The following RNF13 variants were observed in gnomAD, a reference collection of about 807,000 sequenced individuals.
RNF13 encodes the protein ring finger protein 13.
A neutral mutation model predicts 37.7 loss-of-function variants in RNF13; 19 were observed. The observed-to-expected ratio is 0.50, with a 90% confidence interval of 0.35 to 0.74. The LOEUF (loss-of-function observed/expected upper bound fraction) is 0.74, where lower values mean the gene tolerates loss of function less well. RNF13 is among the 30% of genes least tolerant of loss of function. The pLI is 0.01. For missense variants in RNF13, 375 were observed against 453.0 expected, an observed-to-expected ratio of 0.83 and a Z score of 1.56; for synonymous variants, 144 against 157.8, an observed-to-expected ratio of 0.91 and a Z score of 0.65.
In RNF13 at chr3:149,867,573, C is replaced by G. The variant is rs929028506; in HGVS notation, c.196-4456C>G. ...AGCGACCGCACCCGGCCTCTTGTCT[C>G]TTTTTACACTGTTTGATGATTTGTA... On this transcript the variant is annotated intron_variant, in intron 3 of 9. Coordinates refer to ENST00000392894, the MANE Select transcript of RNF13 (RefSeq NM_183381.3). Among the ~76,000 whole-genome samples, 123 of 151,810 alleles carry G rather than the reference C, an allele frequency of 8.1e-4. 1 individual carries two copies. The highest frequency in any genetic ancestry group is 2.7e-3 in the African/African-American group (114 of 41,518).
At chr3:149,957,563 A>C (rs780302430) in intron 8 of RNF13, among the ~76,000 whole-genome samples, 7 of 152,238 alleles carry the variant, frequency 4.6e-5, no homozygotes, top group Non-Finnish European at 1.0e-4. Flanking sequence ...TTTTGTAAGC[A>C]TGCAGCTGAT....
intron 1 of RNF13, among the ~76,000 whole-genome samples, chr3:149,843,719 T>A (rs574616144): frequency 1.3e-5 from 2 of 152,242 alleles, no homozygotes. Flanking sequence ...GATGCTGTTT[T>A]CAGTAGGGGT....
chr3:149,954,126 A>T (rs2108608667), intron 8 of RNF13, among the ~76,000 whole-genome samples: 1 of 152,286 alleles, frequency 6.6e-6, no homozygotes, highest in Non-Finnish European at 1.5e-5. Context: ...CATCTTAAGT[A>T]AAAGGTCTGT....
At chr3:149,886,483 G>C (rs1173061537) in intron 4 of RNF13, among the ~76,000 whole-genome samples, 1 of 152,096 alleles carries the variant, frequency 6.6e-6, no homozygotes, top group Non-Finnish European at 1.5e-5. Flanking sequence ...ATTAGTTTTA[G>C]TAGTTTATTT....
intron 8 of RNF13, among the ~76,000 whole-genome samples, chr3:149,943,481 C>G (rs1441121791): frequency 6.6e-6 from 1 of 152,138 alleles, no homozygotes; most frequent in Non-Finnish European, 1.5e-5. Context: ...ACATCCTGCA[C>G]CAGAGTGGTA....
chr3:149,923,567 C>T (rs1037380956), intron 8 of RNF13, among the ~76,000 whole-genome samples: 3 of 151,948 alleles, frequency 2.0e-5, no homozygotes, highest in Non-Finnish European at 4.4e-5. Context: ...GAGATCGAGA[C>T]CATCCTGGCC....
At chr3:149,896,557 G>A (rs1161546558) in intron 5 of RNF13, among the ~76,000 whole-genome samples, 2 of 151,044 alleles carry the variant, frequency 1.3e-5, no homozygotes, top group South Asian at 2.1e-4. Flanking sequence ...TTGGCTCACC[G>A]CAACCTCTGC....
chr3:149,852,467 G>A, intron 2 of RNF13, 49 bp from the exon 3 acceptor site: 2 of 772,202 alleles, frequency 2.6e-6, no homozygotes, highest in Admixed American at 2.6e-5. Flanking sequence ...TGTTTTTAAT[G>A]TTATATATAA....
intron 3 of RNF13, among the ~76,000 whole-genome samples, chr3:149,857,299 A>G (rs1444235665): frequency 2.0e-5 from 3 of 152,232 alleles, no homozygotes; most frequent in South Asian, 2.1e-4. Flanking sequence ...AAAAAATACT[A>G]TTATTCAAGT....
chr3:149,841,236 A>G (rs1187009348), intron 1 of RNF13, among the ~76,000 whole-genome samples: 2 of 152,192 alleles, frequency 1.3e-5, no homozygotes, highest in Non-Finnish European at 2.9e-5. Context: ...GATATCAGAG[A>G]ATTTAAGCTT....
chr3:149,845,868 T>G (rs1722593949), intron 1 of RNF13, 143 bp from the exon 2 acceptor site: 3 of 554,818 alleles, frequency 5.4e-6, no homozygotes, highest in Non-Finnish European at 9.6e-6. Flanking sequence ...TCTTATGCTT[T>G]TGAAATAAAA....
chr3:149,850,564 T>C (rs1016883149), intron 2 of RNF13, among the ~76,000 whole-genome samples: 4 of 152,232 alleles, frequency 2.6e-5, no homozygotes, highest in African/African-American at 9.6e-5. Flanking sequence ...ATTTCTATAA[T>C]TTTAGCTATA....
chr3:149,939,702 CT>C, intron 8 of RNF13: 1 of 807,398 alleles, frequency 1.2e-6, no homozygotes, highest in Non-Finnish European at 2.0e-6. Flanking sequence ...CATTATTCAC[CT>C]TAAAGTGATA....
chr3:149,877,472 C>CTTTTTTTTTTTTTTTTTTTGT (rs1712861785), intron 4 of RNF13, among the ~76,000 whole-genome samples: 2 of 101,486 alleles, frequency 2.0e-5, no homozygotes, highest in Admixed American at 9.9e-5. Flanking sequence ...TTCTTTCTGT[C>CTTTTTTTTTTTTTTTTTTTGT]TTTTTTTTTT....
chr3:149,832,649 C>A (rs10935780), intron 1 of RNF13, among the ~76,000 whole-genome samples: 1 of 152,178 alleles, frequency 6.6e-6, no homozygotes, highest in African/African-American at 2.4e-5. Flanking sequence ...ATTATAGTGA[C>A]TAAAGAAAAC....
At chr3:149,904,233 A>G (rs1183088900) in intron 6 of RNF13, among the ~76,000 whole-genome samples, 1 of 152,192 alleles carries the variant, frequency 6.6e-6, no homozygotes, top group African/African-American at 2.4e-5. Flanking sequence ...ACACCAACAT[A>G]ATAATATATT....
intron 3 of RNF13, among the ~76,000 whole-genome samples, chr3:149,861,723 G>T (rs1418034777): frequency 6.6e-6 from 1 of 152,136 alleles, no homozygotes. Context: ...TGATAACAGA[G>T]TAGGGTGACT....
chr3:149,958,135 T>C (rs1722037188), intron 8 of RNF13, among the ~76,000 whole-genome samples: 1 of 152,232 alleles, frequency 6.6e-6, no homozygotes, highest in Non-Finnish European at 1.5e-5. Flanking sequence ...AACCCAAATA[T>C]ACCTGTATTA....
rs1576754750 is a variant in RNF13, at chr3:149,846,273, A to C, written c.114+133A>C. ...AAAACATACCCCAACACATATACAC[A>C]GTTACTTGACATTGAGGTACCTTAT... On this transcript the variant is annotated intron_variant, in intron 2 of 9. Transcript: ENST00000392894. The C allele has an allele frequency of 1.4e-5, 8 of 570,904 alleles. No individual in the cohort carries two copies. The East Asian group carries it at 2.3e-4, about 17-fold the overall frequency. 35.4% of individuals were successfully genotyped at this position (570,904 alleles called of 1,614,324 possible).
Sources: gnomAD v4.1 joint callset for allele counts (sites outside exome capture counted in the v4.1 genomes callset) on GRCh38, gnomAD v4.1.1 for gene constraint, MANE v1.5 for transcripts, NCBI Gene and HGNC (gene_info 2026-07-23, HGNC 2026-07-21) for gene names.